Variants in PLPPR1 observed in about 807,000 individuals in gnomAD.
The protein encoded by PLPPR1 is phospholipid phosphatase-related protein type 1.
PLPPR1 carries 10 observed loss-of-function variants against 33.1 expected under a neutral mutation model. That is an observed-to-expected ratio of 0.30 (90% CI 0.19 to 0.51). The LOEUF is 0.51. PLPPR1 is among the 20% of genes least tolerant of loss of function. The pLI is 0.97. For missense variants in PLPPR1, 304 were observed against 408.1 expected, an observed-to-expected ratio of 0.74 and a Z score of 2.20; for synonymous variants, 151 against 151.0, an observed-to-expected ratio of 1.00 and a Z score of 0.00.
intron 1 of PLPPR1, among the ~76,000 whole-genome samples, chr9:101,182,596 C>T (rs1489796753): frequency 6.6e-6 from 1 of 151,658 alleles, no homozygotes. Flanking sequence ...GTGGTTGTTG[C>T]ATAATACTGT....
At chr9:101,298,261 T>C (rs2118936713) in intron 4 of PLPPR1, among the ~76,000 whole-genome samples, 2 of 152,306 alleles carry the variant, frequency 1.3e-5, no homozygotes, top group Middle Eastern at 6.8e-3. Flanking sequence ...CCATTATTAC[T>C]TCTAATAAAA....
intron 1 of PLPPR1, chr9:101,131,606 C>G (rs1831315030): frequency 1.3e-5 from 2 of 152,160 alleles, no homozygotes; most frequent in South Asian, 2.1e-4. Flanking sequence ...AAGGCTCTCC[C>G]TCAGACGCCA....
chr9:101,131,627 G>A (rs961038867), intron 1 of PLPPR1: 3 of 152,216 alleles, frequency 2.0e-5, no homozygotes, highest in African/African-American at 7.2e-5. Context: ...ACATCTACAT[G>A]CGGATATGGA....
At chr9:101,181,792 C>A (rs1826118317) in intron 1 of PLPPR1, among the ~76,000 whole-genome samples, 1 of 146,750 alleles carries the variant, frequency 6.8e-6, no homozygotes, top group African/African-American at 2.5e-5. Flanking sequence ...ACCTAATACA[C>A]CAGATTTTCT....
intron 2 of PLPPR1, among the ~76,000 whole-genome samples, chr9:101,265,817 A>T (rs1348513554): frequency 2.0e-5 from 3 of 151,670 alleles, no homozygotes; most frequent in Non-Finnish European, 4.4e-5. Flanking sequence ...CAACATAGTG[A>T]AACCCCGTCT....
At chr9:101,041,485 A>G (rs1283073029) in intron 1 of PLPPR1, among the ~76,000 whole-genome samples, 1 of 152,228 alleles carries the variant, frequency 6.6e-6, no homozygotes, top group Admixed American at 6.5e-5. Context: ...TTATTTCTAT[A>G]TATGAACTGT....
At chr9:101,137,300 G>A (rs1476443242) in intron 1 of PLPPR1, among the ~76,000 whole-genome samples, 1 of 152,166 alleles carries the variant, frequency 6.6e-6, no homozygotes, top group Non-Finnish European at 1.5e-5. Flanking sequence ...TCAGGGAGAG[G>A]CACTATGCTG....
chr9:101,130,631 A>G (rs1455855045), intron 1 of PLPPR1, among the ~76,000 whole-genome samples: 1 of 152,186 alleles, frequency 6.6e-6, no homozygotes, highest in Admixed American at 6.5e-5. Flanking sequence ...ACCAATTACT[A>G]ATAATAAAGC....
At chr9:101,178,058 A>G (rs1420332624) in intron 1 of PLPPR1, among the ~76,000 whole-genome samples, 1 of 152,210 alleles carries the variant, frequency 6.6e-6, no homozygotes, top group Non-Finnish European at 1.5e-5. Flanking sequence ...CTGTGAAGTT[A>G]TTTGTATCCC....
intron 1 of PLPPR1, among the ~76,000 whole-genome samples, chr9:101,090,928 T>C (rs919505654): frequency 5.9e-5 from 9 of 152,036 alleles, no homozygotes; most frequent in African/African-American, 2.2e-4. Flanking sequence ...GGTTGTGTGC[T>C]AGGTCCCTTC....
At chr9:101,281,346 C>G (rs574289675) in intron 3 of PLPPR1, among the ~76,000 whole-genome samples, 2 of 152,188 alleles carry the variant, frequency 1.3e-5, no homozygotes, top group Admixed American at 1.3e-4. Flanking sequence ...AAGTGATCCA[C>G]AGATTCAGTG....
intron 1 of PLPPR1, among the ~76,000 whole-genome samples, chr9:101,177,516 T>C (rs1451505203): frequency 1.3e-5 from 2 of 152,182 alleles, no homozygotes; most frequent in Non-Finnish European, 2.9e-5. Context: ...ATGAGAATCT[T>C]CCACCATACT....
At chr9:101,286,365 C>G (rs1357977446) in intron 4 of PLPPR1, 129 bp downstream of exon 4, 1 of 772,246 alleles carries the variant, frequency 1.3e-6, no homozygotes, top group South Asian at 2.5e-5. Flanking sequence ...TTTTCCTGAT[C>G]CTACTGCCAC....
intron 2 of PLPPR1, among the ~76,000 whole-genome samples, chr9:101,231,142 C>T (rs1382469675): frequency 6.6e-6 from 1 of 151,898 alleles, no homozygotes; most frequent in Non-Finnish European, 1.5e-5. Flanking sequence ...TTTGAACTGT[C>T]CAGCTCCAAG....
chr9:101,094,160 C>T (rs1406375656), intron 1 of PLPPR1, among the ~76,000 whole-genome samples: 5 of 152,182 alleles, frequency 3.3e-5, no homozygotes, highest in Admixed American at 2.6e-4. Flanking sequence ...TCAAGCCATT[C>T]TCTTTCTTAA....
At chr9:101,052,589 G>T (rs1245478252) in intron 1 of PLPPR1, among the ~76,000 whole-genome samples, 1 of 152,048 alleles carries the variant, frequency 6.6e-6, no homozygotes, top group Non-Finnish European at 1.5e-5. Context: ...CCTCTATGTT[G>T]CCTTTTTTCA....
intron 1 of PLPPR1, among the ~76,000 whole-genome samples, chr9:101,074,860 A>T (rs1004423952): frequency 6.6e-6 from 1 of 152,176 alleles, no homozygotes; most frequent in Non-Finnish European, 1.5e-5. Context: ...TACAGATACA[A>T]GTTTATGAAG....
chr9:101,175,588 A>T (rs1312841554), intron 1 of PLPPR1, among the ~76,000 whole-genome samples: 1 of 151,782 alleles, frequency 6.6e-6, no homozygotes, highest in Admixed American at 6.6e-5. Flanking sequence ...TATATTTTTC[A>T]GTCTCTTCTT....
At chr9:101,304,032 GTTT>G (rs138254940) in intron 4 of PLPPR1, among the ~76,000 whole-genome samples, 12 of 151,872 alleles carry the variant, frequency 7.9e-5, no homozygotes, top group Non-Finnish European at 1.3e-4. Context: ...ATACTCTAAG[GTTT>G]TTTTTATTCT....
Sources: gnomAD v4.1 joint callset for allele counts (sites outside exome capture counted in the v4.1 genomes callset) on GRCh38, gnomAD v4.1.1 for gene constraint, MANE v1.5 for transcripts, NCBI Gene and HGNC (gene_info 2026-07-23, HGNC 2026-07-21) for gene names.